Variants in KLF17 observed in about 807,000 individuals in gnomAD.
KLF17 encodes the protein KLF transcription factor 17.
A neutral mutation model predicts 34.2 loss-of-function variants in KLF17; 31 were observed. That is an observed-to-expected ratio of 0.91 (90% CI 0.68 to 1.22). The LOEUF (loss-of-function observed/expected upper bound fraction) is 1.22. Among genes scored for constraint, KLF17 ranks in the 50% most tolerant of loss-of-function variants. The pLI is 0.00. For synonymous variants in KLF17, 179 were observed against 186.7 expected (o/e 0.96, Z 0.34); for missense variants, 478 against 505.2 (o/e 0.95, Z 0.52).
At chr1:44,122,759 G>A (rs1281438051) in intron 1 of KLF17, among the ~76,000 whole-genome samples, 3 of 152,000 alleles carry the variant, frequency 2.0e-5, no homozygotes, top group Admixed American at 6.6e-5. Flanking sequence ...CACCACGCCC[G>A]GCTACTTTTT....
chr1:44,084,142 A>G, the KLF17 span, among the ~76,000 whole-genome samples: 3 of 152,316 alleles, frequency 2.0e-5, no homozygotes, highest in African/African-American at 7.2e-5. Flanking sequence ...ATGTGCCTGT[A>G]CACAATTCTT....
the KLF17 span, among the ~76,000 whole-genome samples, chr1:44,057,310 C>T: frequency 6.6e-6 from 1 of 152,166 alleles, no homozygotes; most frequent in African/African-American, 2.4e-5. Context: ...GTGCTCCATG[C>T]TTATGCTGCC....
the KLF17 span, among the ~76,000 whole-genome samples, chr1:44,063,962 T>C: frequency 6.6e-6 from 1 of 151,920 alleles, no homozygotes. Context: ...GAGGATTGAG[T>C]GCAATTCACA....
At chr1:44,087,313 G>T in the KLF17 span, among the ~76,000 whole-genome samples, 1 of 151,824 alleles carries the variant, frequency 6.6e-6, no homozygotes, top group East Asian at 1.9e-4. Context: ...GTATTGCAGT[G>T]GTGTGATCAT....
At chr1:44,103,478 C>CG in the KLF17 span, 1 of 918,250 alleles carries the variant, frequency 1.1e-6, no homozygotes, top group Non-Finnish European at 1.8e-6. Context: ...GGCCGGGGCT[C>CG]GTGAGGCCCC....
At chr1:44,071,936 C>T in the KLF17 span, among the ~76,000 whole-genome samples, 1 of 152,052 alleles carries the variant, frequency 6.6e-6, no homozygotes, top group African/African-American at 2.4e-5. Flanking sequence ...CTGTTGCTCC[C>T]CTCTGCCACC....
chr1:44,118,766 C>A (rs1301684267), upstream of KLF17: 7 of 623,804 alleles, frequency 1.1e-5, no homozygotes, highest in African/African-American at 1.9e-5. Flanking sequence ...ACGGGTGGGG[C>A]CTGACCCCGC....
At chr1:44,053,905 A>G in the KLF17 span, among the ~76,000 whole-genome samples, 1 of 152,218 alleles carries the variant, frequency 6.6e-6, no homozygotes, top group African/African-American at 2.4e-5. Flanking sequence ...AACCCAGGCC[A>G]TGCCATATCG....
chr1:44,116,590 G>T (rs1351326512), upstream of KLF17, among the ~76,000 whole-genome samples: 1 of 152,162 alleles, frequency 6.6e-6, no homozygotes, highest in Non-Finnish European at 1.5e-5. Context: ...TCCCTTGGCA[G>T]CCCAGTCCAA....
the KLF17 span, among the ~76,000 whole-genome samples, chr1:44,101,006 T>C: frequency 6.6e-6 from 1 of 152,210 alleles, no homozygotes; most frequent in African/African-American, 2.4e-5. Context: ...ACACAACTAC[T>C]ACAACACTCT....
chr1:44,097,139 G>A, the KLF17 span, among the ~76,000 whole-genome samples: 44,986 of 151,904 alleles, frequency 0.3, 6,905 homozygotes, highest in South Asian at 0.34. Context: ...GTAGATGTGT[G>A]GTGTTATTTC....
the KLF17 span, among the ~76,000 whole-genome samples, chr1:44,096,294 G>C: frequency 1.2e-3 from 181 of 152,154 alleles, 2 homozygotes; most frequent in East Asian, 0.019. Flanking sequence ...TGTAAACAAG[G>C]ATAATTTTAC....
chr1:44,089,871 G>A, the KLF17 span, among the ~76,000 whole-genome samples: 2 of 152,058 alleles, frequency 1.3e-5, no homozygotes, highest in Non-Finnish European at 2.9e-5. Context: ...TAGTGTGATA[G>A]ACAGTATGGG....
At chr1:44,087,429 CAA>C in the KLF17 span, among the ~76,000 whole-genome samples, 1 of 150,746 alleles carries the variant, frequency 6.6e-6, no homozygotes, top group African/African-American at 2.4e-5. Context: ...CTAATTAAAA[CAA>C]AAAAAAATTT....
chr1:44,058,818 C>CACGT, the KLF17 span, among the ~76,000 whole-genome samples: 2 of 151,428 alleles, frequency 1.3e-5, no homozygotes, highest in Non-Finnish European at 2.9e-5. Context: ...GATGAAGAGA[C>CACGT]ACGTAGAATG....
chr1:44,085,862 T>G, the KLF17 span, among the ~76,000 whole-genome samples: 1 of 146,304 alleles, frequency 6.8e-6, no homozygotes, highest in African/African-American at 2.5e-5. Flanking sequence ...GCATGGTACA[T>G]TCCTGTTATT....
At chr1:44,110,993 T>C in the KLF17 span, among the ~76,000 whole-genome samples, 3 of 152,018 alleles carry the variant, frequency 2.0e-5, no homozygotes, top group Admixed American at 1.3e-4. Context: ...TTATTCTGTT[T>C]TCCTTTTTTT....
chr1:44,070,290 C>T, the KLF17 span, among the ~76,000 whole-genome samples: 1 of 152,142 alleles, frequency 6.6e-6, no homozygotes, highest in Non-Finnish European at 1.5e-5. Context: ...GTGGATCCAT[C>T]ACTGGAGTAA....
At chr1:44,115,831 G>A (rs905328876), upstream of KLF17, 1 of 152,084 alleles carries the variant, frequency 6.6e-6, no homozygotes, top group African/African-American at 2.4e-5. Context: ...GAAAATGATT[G>A]AAATAAATAG....
Sources: allele counts gnomAD v4.1 joint callset (sites outside exome capture counted in the v4.1 genomes callset), GRCh38; gene constraint gnomAD v4.1.1; transcripts MANE v1.5; gene names NCBI Gene and HGNC (gene_info 2026-07-23, HGNC 2026-07-21).